TENM3: variants seen among roughly 807,000 people sequenced by gnomAD.
TENM3 encodes the protein teneurin-3.
In TENM3, 63 loss-of-function variants were observed where a neutral mutation model predicts 255.1. The ratio of observed to expected loss-of-function variants is 0.25; its 90% CI spans 0.20 to 0.30. TENM3 has a LOEUF of 0.30. Ranked by LOEUF, TENM3 falls within the 10% of genes least tolerant of loss-of-function variation. The pLI is 1.00. For missense variants in TENM3, 2,929 were observed against 3,461.1 expected, an observed-to-expected ratio of 0.85 and a Z score of 3.86; for synonymous variants, 1,306 against 1,322.3, an observed-to-expected ratio of 0.99 and a Z score of 0.27.
At chr4:182,133,012 T>G in the TENM3 span, among the ~76,000 whole-genome samples, 21 of 152,260 alleles carry the variant, frequency 1.4e-4, no homozygotes, top group South Asian at 2.5e-3. Context: ...AAAACATGCG[T>G]GTAGGCCAGG....
the TENM3 span, among the ~76,000 whole-genome samples, chr4:181,531,546 C>T: frequency 5.9e-5 from 9 of 152,184 alleles, no homozygotes; most frequent in East Asian, 3.9e-4. Flanking sequence ...TGAACTGTAA[C>T]GAATTATTTA....
the TENM3 span, among the ~76,000 whole-genome samples, chr4:181,795,771 C>A: frequency 6.6e-6 from 1 of 152,096 alleles, no homozygotes; most frequent in Non-Finnish European, 1.5e-5. Context: ...GGAGAGGTAG[C>A]CAAGGTGCCA....
the TENM3 span, among the ~76,000 whole-genome samples, chr4:181,522,124 A>G: frequency 2.1e-5 from 3 of 145,028 alleles, no homozygotes; most frequent in Non-Finnish European, 3.0e-5. Context: ...AAAAAAAAAA[A>G]AAAAAAGAAG....
chr4:182,764,432 C>G (rs1763497022), intron 22 of TENM3, among the ~76,000 whole-genome samples: 1 of 152,150 alleles, frequency 6.6e-6, no homozygotes, highest in African/African-American at 2.4e-5. Context: ...ATGGTAAGTG[C>G]TAAGATAGTT....
At chr4:182,460,064 G>A (rs1014677107) in intron 3 of TENM3, among the ~76,000 whole-genome samples, 1 of 151,956 alleles carries the variant, frequency 6.6e-6, no homozygotes, top group Non-Finnish European at 1.5e-5. Context: ...AAATTCTAAC[G>A]AGGTACCTTG....
chr4:182,174,698 G>A (rs1752343065), intron 1 of TENM3, among the ~76,000 whole-genome samples: 1 of 152,084 alleles, frequency 6.6e-6, no homozygotes. Flanking sequence ...GAGAACTCTA[G>A]TCCATTAATC....
At chr4:182,772,443 C>T (rs747726788) in intron 22 of TENM3, 2 of 152,182 alleles carry the variant, frequency 1.3e-5, no homozygotes, top group Non-Finnish European at 2.9e-5. Context: ...AGGTCTCCAT[C>T]TCACTGGGAA....
chr4:181,733,725 A>G, the TENM3 span, among the ~76,000 whole-genome samples: 1 of 152,200 alleles, frequency 6.6e-6, no homozygotes, highest in Non-Finnish European at 1.5e-5. Flanking sequence ...AGAAAGTTGT[A>G]TCTTCCTGTT....
intron 7 of TENM3, among the ~76,000 whole-genome samples, chr4:182,674,321 GA>G (rs1755483663): frequency 6.6e-6 from 1 of 151,990 alleles, no homozygotes; most frequent in South Asian, 2.1e-4. Flanking sequence ...ATCTTTAAAG[GA>G]AGATGAGTAA....
At chr4:182,761,048 A>T (rs1033997905) in intron 22 of TENM3, among the ~76,000 whole-genome samples, 6 of 152,128 alleles carry the variant, frequency 3.9e-5, no homozygotes, top group Non-Finnish European at 7.4e-5. Context: ...TATTATTTAA[A>T]CAGCCTGGCT....
At chr4:181,914,582 T>C in the TENM3 span, among the ~76,000 whole-genome samples, 1 of 152,214 alleles carries the variant, frequency 6.6e-6, no homozygotes, top group Non-Finnish European at 1.5e-5. Context: ...TCACTGCTTT[T>C]GAATGAATGA....
At chr4:181,919,902 A>G in the TENM3 span, among the ~76,000 whole-genome samples, 1,479 of 106,696 alleles carry the variant, frequency 0.014, 22 homozygotes, top group African/African-American at 0.052. Context: ...CCCCACAACA[A>G]TCCCCGGAGT....
chr4:181,633,003 C>G, the TENM3 span, among the ~76,000 whole-genome samples: 3 of 152,170 alleles, frequency 2.0e-5, no homozygotes, highest in African/African-American at 7.2e-5. Context: ...AGGATTTTCT[C>G]CATGACAAAC....
chr4:182,457,413 T>A (rs1773964750), intron 3 of TENM3, among the ~76,000 whole-genome samples: 1 of 152,094 alleles, frequency 6.6e-6, no homozygotes, highest in South Asian at 2.1e-4. Flanking sequence ...ATATATGATT[T>A]CATCTCATCT....
chr4:181,769,153 T>C, the TENM3 span, among the ~76,000 whole-genome samples: 2 of 152,212 alleles, frequency 1.3e-5, no homozygotes, highest in South Asian at 4.1e-4. Flanking sequence ...TTACTCATTA[T>C]CTTTAAAAGA....
chr4:181,629,596 C>T, the TENM3 span, among the ~76,000 whole-genome samples: 14 of 152,220 alleles, frequency 9.2e-5, no homozygotes, highest in African/African-American at 3.4e-4. Context: ...GAGAAAATCA[C>T]GTGGTTTTTG....
At position 182,756,674 on chromosome 4, in the gene TENM3, C is replaced by T. The variant is rs544524539; in HGVS notation, c.4892+1415C>T. On this transcript the variant is annotated intron_variant, in intron 22 of 27. Coordinates refer to ENST00000511685, the MANE Select transcript of TENM3 (RefSeq NM_001080477.4). ...CAATATACAAATATTTTCTGTATAGCTTTTCTGGAATGTGTCTTATACATA... is the reference window on the plus strand; with the variant it reads ...CAATATACAAATATTTTCTGTATAGTTTTTCTGGAATGTGTCTTATACATA... 7.6e-4 allele frequency among the ~76,000 whole-genome samples: 115 copies of T among 152,216 alleles called. 3 individuals are homozygous for T. The South Asian group carries it at 0.023, about 31-fold the overall frequency.
intron 22 of TENM3, among the ~76,000 whole-genome samples, chr4:182,770,085 G>C (rs759977847): frequency 6.8e-6 from 1 of 146,380 alleles, no homozygotes; most frequent in Admixed American, 6.9e-5. Flanking sequence ...CAGTCTGGGC[G>C]ACAGAGTGAG....
chr4:182,749,930 AT>A (rs1462037753), intron 19 of TENM3, among the ~76,000 whole-genome samples: 1 of 152,072 alleles, frequency 6.6e-6, no homozygotes, highest in East Asian at 1.9e-4. Context: ...TCTGTCACCA[AT>A]TATATATACC....
Sources: allele counts gnomAD v4.1 joint callset (sites outside exome capture counted in the v4.1 genomes callset), GRCh38; gene constraint gnomAD v4.1.1; transcripts MANE v1.5; gene names NCBI Gene and HGNC (gene_info 2026-07-23, HGNC 2026-07-21).